Variants in PXDN observed in about 807,000 individuals in gnomAD.
PXDN encodes the protein peroxidasin homolog.
In PXDN, 77 loss-of-function variants were observed where a neutral mutation model predicts 140.3. That is an observed-to-expected ratio of 0.55 (90% CI 0.46 to 0.66). The LOEUF is 0.66. Ranked by LOEUF, PXDN falls within the 30% of genes least tolerant of loss-of-function variation. The pLI is 0.00. For missense variants in PXDN, 1,838 were observed against 2,039.5 expected, an observed-to-expected ratio of 0.90 and a Z score of 1.90; for synonymous variants, 911 against 857.4, an observed-to-expected ratio of 1.06 and a Z score of -1.09.
intron 1 of PXDN, among the ~76,000 whole-genome samples, chr2:1,699,782 C>T (rs753842644): frequency 1.8e-4 from 28 of 152,284 alleles, no homozygotes; most frequent in Non-Finnish European, 3.4e-4. Context: ...CAAAGTTATA[C>T]ACTATATCGT....
intron 1 of PXDN, among the ~76,000 whole-genome samples, chr2:1,706,988 A>G (rs1466451051): frequency 2.2e-5 from 3 of 133,578 alleles, no homozygotes; most frequent in African/African-American, 8.0e-5. Context: ...ACTGTTCACC[A>G]ATCAGCTCTA....
intron 13 of PXDN, among the ~76,000 whole-genome samples, chr2:1,661,267 G>A (rs1255400456): frequency 6.6e-6 from 1 of 152,180 alleles, no homozygotes; most frequent in Admixed American, 6.5e-5. Flanking sequence ...GGAGAACAGA[G>A]CTTGACAGCT....
intron 9 of PXDN, among the ~76,000 whole-genome samples, chr2:1,667,876 C>A (rs1683482716): frequency 6.6e-6 from 1 of 152,174 alleles, no homozygotes; most frequent in African/African-American, 2.4e-5. Flanking sequence ...GGCCATACTG[C>A]CCAAAGTAAT....
In PXDN at chr2:1,635,636, G is replaced by C. The variant is rs1682533366; in HGVS notation, c.4207-115C>G. On this transcript the variant is annotated intron_variant, in intron 21 of 22. Coordinates refer to ENST00000252804, the MANE Select transcript of PXDN (RefSeq NM_012293.3). ...ATGCCTTAAAATAAACAACATTTGAGGGGAATATTTCTGAAGAACTTTTAC... is the reference window on the plus strand; with the variant it reads ...ATGCCTTAAAATAAACAACATTTGACGGGAATATTTCTGAAGAACTTTTAC... 2.4e-6 allele frequency: 2 copies of C among 837,570 alleles called. 1 individual carries two copies. The highest frequency in any genetic ancestry group is 4.8e-4 in the Middle Eastern group (2 of 4,132). 51.9% of individuals were successfully genotyped at this position (837,570 alleles called of 1,614,324 possible). A position where few individuals can be genotyped will look rare whatever the true frequency, so the allele number is the denominator to read the frequency against.
intron 1 of PXDN, among the ~76,000 whole-genome samples, chr2:1,700,356 C>A (rs1684396499): frequency 6.6e-6 from 1 of 152,214 alleles, no homozygotes; most frequent in South Asian, 2.1e-4. Context: ...GCCACCACAT[C>A]CAGCCATTGT....
At chr2:1,719,334 G>A (rs1684964539) in intron 1 of PXDN, among the ~76,000 whole-genome samples, 1 of 152,232 alleles carries the variant, frequency 6.6e-6, no homozygotes, top group Admixed American at 6.5e-5. Flanking sequence ...AACCCAGCCA[G>A]GCTCTGTCCC....
chr2:1,678,577 G>A (rs759405604), intron 7 of PXDN, among the ~76,000 whole-genome samples: 2 of 152,178 alleles, frequency 1.3e-5, no homozygotes, highest in South Asian at 4.1e-4. Context: ...GCCATGAGTC[G>A]GTTTCTTGGA....
chr2:1,738,817 G>C (rs893573907), intron 1 of PXDN, among the ~76,000 whole-genome samples: 2 of 152,178 alleles, frequency 1.3e-5, no homozygotes, highest in Non-Finnish European at 2.9e-5. Context: ...AAAGTGCTGG[G>C]ATTACAGCCA....
At chr2:1,658,309 C>T (rs76575374) in intron 14 of PXDN, among the ~76,000 whole-genome samples, 1 of 152,154 alleles carries the variant, frequency 6.6e-6, no homozygotes, top group Non-Finnish European at 1.5e-5. Flanking sequence ...CCACCCACTC[C>T]AGGCTTTTCC....
chr2:1,719,149 C>G (rs1332541667), intron 1 of PXDN, among the ~76,000 whole-genome samples: 1 of 152,220 alleles, frequency 6.6e-6, no homozygotes, highest in Non-Finnish European at 1.5e-5. Context: ...TGCCTCCCAC[C>G]TGAGTTACTC....
intron 13 of PXDN, among the ~76,000 whole-genome samples, chr2:1,661,557 A>C (rs1683305148): frequency 6.6e-6 from 1 of 152,108 alleles, no homozygotes; most frequent in Non-Finnish European, 1.5e-5. Context: ...GGAGGATGGG[A>C]CCATCTCCGC....
At position 1,733,748 on chromosome 2, in the gene PXDN, C is replaced by CAAAAAAAAA. The variant is rs72208257; in HGVS notation, c.200+10499_200+10507dup. Among the ~76,000 whole-genome samples the CAAAAAAAAA allele has an allele frequency of 3.4e-3, 273 of 79,198 alleles. 17 individuals carry two copies. Among genetic ancestry groups the CAAAAAAAAA allele is most frequent in the East Asian group, 0.015 (25 of 1,636 alleles). The allele number at this position is 79,198 out of a possible 152,430, so 52.0% of individuals were successfully genotyped here. A position where few individuals can be genotyped will look rare whatever the true frequency, so the allele number is the denominator to read the frequency against. Reference sequence around the variant, plus strand: ...CAGAGCAAGATTCTGTGTCAAATGACAAAAAAAAAAAAAAAAAAAGCAGTG... The same window carrying CAAAAAAAAA: ...CAGAGCAAGATTCTGTGTCAAATGACAAAAAAAAAAAAAAAAAAAAAAAAAAAAGCAGTG... On this transcript the variant is annotated intron_variant, in intron 1 of 22. Transcript: ENST00000252804.
At chr2:1,726,632 C>A (rs933464088) in intron 1 of PXDN, among the ~76,000 whole-genome samples, 2 of 152,124 alleles carry the variant, frequency 1.3e-5, no homozygotes, top group African/African-American at 4.8e-5. Flanking sequence ...CCCATTTTAG[C>A]AAGCTTGTTT....
rs748241291 is a variant in PXDN at position 1,677,013 on chromosome 2, G to A, written c.762C>T (p.Asp254=). The change falls in exon 8 of 23, where the codon GAC becomes GAT. Residue 254 remains aspartate, a synonymous_variant. Coordinates refer to ENST00000252804, the MANE Select transcript of PXDN (RefSeq NM_012293.3). ...ERPRITSEPQ[D]ADVTSGNTVY... ...CGGTGTTCCCCGAGGTCACATCTGC[G>A]TCCTGGGGCTCGGAGGTGATCCGGG... 67 of 1,610,294 alleles carry A rather than the reference G, an allele frequency of 4.2e-5. No individual in the cohort carries two copies. Among genetic ancestry groups the A allele is most frequent in the South Asian group, 5.5e-5 (5 of 90,374 alleles).
chr2:1,647,020 G>A (rs1572121198), intron 17 of PXDN, among the ~76,000 whole-genome samples: 3 of 151,944 alleles, frequency 2.0e-5, no homozygotes, highest in South Asian at 4.2e-4. Flanking sequence ...TCAGCCTCCC[G>A]AGTAGCTGGG....
intron 1 of PXDN, among the ~76,000 whole-genome samples, chr2:1,701,906 C>A (rs1443521845): frequency 1.3e-5 from 2 of 152,148 alleles, no homozygotes; most frequent in Non-Finnish European, 2.9e-5. Context: ...TTCTCTGAAC[C>A]CGGGTGGCCC....
chr2:1,694,757 G>T (rs1248847810), intron 1 of PXDN, among the ~76,000 whole-genome samples: 1 of 152,214 alleles, frequency 6.6e-6, no homozygotes, highest in Non-Finnish European at 1.5e-5. Flanking sequence ...CTGGGAGGCG[G>T]TGCTGGAGGA....
At chr2:1,715,330 T>A (rs1371936339) in intron 1 of PXDN, among the ~76,000 whole-genome samples, 1 of 152,134 alleles carries the variant, frequency 6.6e-6, no homozygotes, top group East Asian at 1.9e-4. Context: ...GCTAAGTATG[T>A]CCGGGAAAAT....
At position 1,633,825 on chromosome 2, in the gene PXDN, A is replaced by G. The variant is rs376288645; in HGVS notation, c.*379T>C. The stretch of plus-strand genomic sequence containing the variant: ...GGCATCTGAACAAGGCAAGGCTGAC[A>G]TATAGAGGTATCCTGCTTTATTTAA... On this transcript the variant is annotated 3_prime_UTR_variant, in exon 23 of 23. Transcript: ENST00000252804. The G allele has an allele frequency of 1.4e-3, 220 of 161,450 alleles. 4 individuals are homozygous for G. The highest frequency in any genetic ancestry group is 4.9e-3 in the African/African-American group (205 of 41,934). The allele number at this position is 161,450 out of a possible 1,614,324, so 10.0% of individuals were successfully genotyped here.
Sources: allele counts gnomAD v4.1 joint callset (sites outside exome capture counted in the v4.1 genomes callset), GRCh38; gene constraint gnomAD v4.1.1; transcripts MANE v1.5; gene names NCBI Gene and HGNC (gene_info 2026-07-23, HGNC 2026-07-21).